The following FAM107B variants were observed in gnomAD, a reference collection of about 807,000 sequenced individuals.
The protein encoded by FAM107B is family with sequence similarity 107 member B.
A neutral mutation model predicts 31.5 loss-of-function variants in FAM107B; 21 were observed. The observed-to-expected ratio is 0.67, with a 90% CI of 0.47 to 0.96. The LOEUF (loss-of-function observed/expected upper bound fraction) is 0.96, where lower values mean the gene tolerates loss of function less well. FAM107B is among the 40% of genes least tolerant of loss of function. FAM107B has a pLI of 0.00. For missense variants in FAM107B, 452 were observed against 377.1 expected (o/e 1.20, Z -1.64); for synonymous variants, 157 against 141.5 (o/e 1.11, Z -0.78).
At chr10:14,753,743 T>C (rs1832874343) in intron 1 of FAM107B, among the ~76,000 whole-genome samples, 3 of 152,200 alleles carry the variant, frequency 2.0e-5, no homozygotes, top group Admixed American at 2.0e-4. Flanking sequence ...TGATAAATTT[T>C]ACTGTTTCTC....
chr10:14,593,672 G>A (rs1852090230), intron 2 of FAM107B, among the ~76,000 whole-genome samples: 1 of 150,960 alleles, frequency 6.6e-6, no homozygotes, highest in Admixed American at 6.6e-5. Flanking sequence ...CCAGCCAGGG[G>A]ACGAGACTGA....
intron 2 of FAM107B, among the ~76,000 whole-genome samples, chr10:14,643,410 ATTT>A (rs202127820): frequency 1.4e-5 from 2 of 140,216 alleles, no homozygotes. Context: ...GGTCAGTCTA[ATTT>A]TTTTTTTTTT....
At chr10:14,604,869 C>G (rs1468542942) in intron 2 of FAM107B, among the ~76,000 whole-genome samples, 1 of 152,058 alleles carries the variant, frequency 6.6e-6, no homozygotes, top group Non-Finnish European at 1.5e-5. Flanking sequence ...CATTCTCATT[C>G]TCTTTCATTC....
chr10:14,769,103 G>A (rs1285140989), intron 1 of FAM107B, among the ~76,000 whole-genome samples: 1 of 152,176 alleles, frequency 6.6e-6, no homozygotes, highest in South Asian at 2.1e-4. Context: ...AAAACAGGAA[G>A]ATAAAATCAA....
At chr10:14,746,865 G>C (rs1232503822) in intron 1 of FAM107B, among the ~76,000 whole-genome samples, 1 of 151,960 alleles carries the variant, frequency 6.6e-6, no homozygotes, top group Non-Finnish European at 1.5e-5. Context: ...GGGAAGTTCT[G>C]GATGATATCC....
At chr10:14,547,105 A>G (rs1848764159) in intron 2 of FAM107B, among the ~76,000 whole-genome samples, 1 of 152,144 alleles carries the variant, frequency 6.6e-6, no homozygotes, top group South Asian at 2.1e-4. Context: ...AACAACCCCA[A>G]GTCTGCCTTT....
chr10:14,573,684 C>CG (rs1851369734), intron 2 of FAM107B, among the ~76,000 whole-genome samples: 2 of 151,992 alleles, frequency 1.3e-5, no homozygotes, highest in African/African-American at 4.8e-5. Context: ...GCAGAGGTTG[C>CG]AGTAAGCTGC....
At chr10:14,686,732 A>G (rs1031483957) in intron 1 of FAM107B, among the ~76,000 whole-genome samples, 1 of 152,198 alleles carries the variant, frequency 6.6e-6, no homozygotes, top group African/African-American at 2.4e-5. Flanking sequence ...CACTATGCAC[A>G]AGGTGCCCAA....
At chr10:14,553,623 C>T (rs1191183104) in intron 2 of FAM107B, among the ~76,000 whole-genome samples, 1 of 152,146 alleles carries the variant, frequency 6.6e-6, no homozygotes, top group Non-Finnish European at 1.5e-5. Flanking sequence ...AGAACTGAGG[C>T]ACTTTTCATA....
intron 1 of FAM107B, among the ~76,000 whole-genome samples, chr10:14,730,794 C>T (rs2131559851): frequency 6.6e-6 from 1 of 152,280 alleles, no homozygotes; most frequent in Middle Eastern, 3.4e-3. Context: ...CTGATTTTAG[C>T]CCTGAAAGTC....
intron 2 of FAM107B, chr10:14,542,799 A>G (rs1588530304): frequency 6.6e-6 from 1 of 152,252 alleles, no homozygotes; most frequent in African/African-American, 2.4e-5. Context: ...ATCCTCACTA[A>G]AACTCCGTAA....
chr10:14,610,003 A>C (rs1460389296), intron 2 of FAM107B, among the ~76,000 whole-genome samples: 4 of 152,186 alleles, frequency 2.6e-5, no homozygotes, highest in Non-Finnish European at 5.9e-5. Flanking sequence ...TTGACCCCTG[A>C]TGACCTGAAT....
chr10:14,535,667 G>C (rs935733556), intron 2 of FAM107B, among the ~76,000 whole-genome samples: 1 of 152,216 alleles, frequency 6.6e-6, no homozygotes, highest in Non-Finnish European at 1.5e-5. Context: ...AGTGGGGCAG[G>C]AAACAGACAG....
intron 2 of FAM107B, among the ~76,000 whole-genome samples, chr10:14,663,198 G>C (rs1394677396): frequency 1.3e-5 from 2 of 152,190 alleles, no homozygotes; most frequent in African/African-American, 2.4e-5. Context: ...TTTTGGGTTT[G>C]GACTGGCTTC....
rs183364333 is a variant in FAM107B, at chr10:14,661,531, C to T, written c.469+6103G>A. 4 of 152,368 alleles carry T rather than the reference C, an allele frequency of 2.6e-5. No homozygotes were observed. In the East Asian group the frequency reaches 7.7e-4, roughly 29 times the overall value. The allele number at this position is 152,368 out of a possible 1,614,324, so 9.4% of individuals were successfully genotyped here. ...AGTCTTCCCTGCCCTTGTTCCAGAACTGACACCATTGGCTCTCCTGGTTCT... is the reference window on the plus strand; with the variant it reads ...AGTCTTCCCTGCCCTTGTTCCAGAATTGACACCATTGGCTCTCCTGGTTCT... On this transcript the variant is annotated intron_variant, in intron 2 of 4. Coordinates refer to ENST00000181796, the MANE Select transcript of FAM107B (RefSeq NM_031453.4).
intron 2 of FAM107B, among the ~76,000 whole-genome samples, chr10:14,657,842 A>C (rs1854106721): frequency 6.7e-6 from 1 of 149,614 alleles, no homozygotes; most frequent in Non-Finnish European, 1.5e-5. Context: ...GGCTGGTCTC[A>C]CTCTGTCGCC....
chr10:14,590,708 G>A (rs562452071), intron 2 of FAM107B, among the ~76,000 whole-genome samples: 3 of 152,124 alleles, frequency 2.0e-5, no homozygotes, highest in African/African-American at 7.2e-5. Flanking sequence ...TCAGCCAGGC[G>A]TAGTGGCTCA....
chr10:14,604,145 A>G (rs1214875478), intron 2 of FAM107B: 3 of 408,924 alleles, frequency 7.3e-6, no homozygotes, highest in African/African-American at 2.2e-5. Flanking sequence ...CCGCCCGCCG[A>G]GAGGGTCCCC....
intron 1 of FAM107B, among the ~76,000 whole-genome samples, chr10:14,704,845 G>A (rs1161801892): frequency 2.0e-5 from 3 of 151,956 alleles, no homozygotes; most frequent in African/African-American, 7.3e-5. Flanking sequence ...CCAACATGAT[G>A]AAACCCCATC....
Sources: gnomAD v4.1 joint callset for allele counts (sites outside exome capture counted in the v4.1 genomes callset) on GRCh38, gnomAD v4.1.1 for gene constraint, MANE v1.5 for transcripts, NCBI Gene and HGNC (gene_info 2026-07-23, HGNC 2026-07-21) for gene names.